Variants in BACE2 observed in about 807,000 individuals in gnomAD.
BACE2 encodes beta-secretase 2, also known as 56 kDa aspartic-like protease.
A neutral mutation model predicts 46.2 loss-of-function variants in BACE2; 17 were observed. That is an observed-to-expected ratio of 0.37 (90% CI 0.25 to 0.55). BACE2 has a LOEUF of 0.55. Among genes scored for constraint, BACE2 ranks in the 20% least tolerant of loss-of-function variants. The pLI is 0.82. For synonymous variants in BACE2, 277 were observed against 295.9 expected, an observed-to-expected ratio of 0.94 and a Z score of 0.66; for missense variants, 595 against 698.1, an observed-to-expected ratio of 0.85 and a Z score of 1.66.
chr21:41,254,734 T>G lies in BACE2; in HGVS notation c.1135-2424T>G, dbSNP rs539845727. ...CAGGGATATCAATGGCCGACTCATC[T>G]TCATTTAACACTGCACAGCACCTGT... On this transcript the variant is annotated intron_variant, in intron 7 of 8. Coordinates refer to ENST00000330333, the MANE Select transcript of BACE2 (RefSeq NM_012105.5). Among the ~76,000 whole-genome samples, 69 of 152,380 alleles carry G rather than the reference T, an allele frequency of 4.5e-4. 1 individual carries two copies. The South Asian group carries it at 7.5e-3, about 16-fold the overall frequency.
intron 1 of BACE2, among the ~76,000 whole-genome samples, chr21:41,214,574 T>C (rs1986398642): frequency 6.6e-6 from 1 of 152,260 alleles, no homozygotes. Flanking sequence ...TCAGATTTTC[T>C]GTATAATTGG....
rs888543058 is a variant in BACE2 at position 41,280,065 on chromosome 21, A to C, written c.*4441A>C. 1 of 152,268 alleles carries C rather than the reference A, an allele frequency of 6.6e-6. No homozygotes were observed. The highest frequency in any genetic ancestry group is 1.5e-5 in the Non-Finnish European group (1 of 68,084). 9.4% of individuals were successfully genotyped at this position (152,268 alleles called of 1,614,324 possible). A position where few individuals can be genotyped will look rare whatever the true frequency, so the allele number is the denominator to read the frequency against. ...AGGATTGATTATTTGCCAGAGGAAC[A>C]ATTAGGCCAAGAGAAACTTGCTTGA... On this transcript the variant is annotated 3_prime_UTR_variant, in exon 9 of 9. Transcript: ENST00000330333.
intron 1 of BACE2, among the ~76,000 whole-genome samples, chr21:41,185,705 A>C (rs1313789948): frequency 1.3e-5 from 2 of 152,214 alleles, no homozygotes; most frequent in African/African-American, 4.8e-5. Flanking sequence ...TGAGAACCCA[A>C]AATGCCTGCG....
chr21:41,194,080 T>C (rs1216244194), intron 1 of BACE2, among the ~76,000 whole-genome samples: 1 of 152,192 alleles, frequency 6.6e-6, no homozygotes, highest in African/African-American at 2.4e-5. Context: ...AGTCTGGAAA[T>C]TGATTGAAGA....
intron 1 of BACE2, chr21:41,225,569 T>G (rs1179690199): frequency 6.6e-6 from 1 of 152,094 alleles, no homozygotes; most frequent in African/African-American, 2.4e-5. Flanking sequence ...ATGAAACCAG[T>G]CCGTGGTCAC....
At chr21:41,194,463 G>A (rs946499207) in intron 1 of BACE2, among the ~76,000 whole-genome samples, 3 of 152,222 alleles carry the variant, frequency 2.0e-5, no homozygotes, top group Admixed American at 6.5e-5. Context: ...AAAGGACACA[G>A]TTGTAGGCAG....
intron 1 of BACE2, among the ~76,000 whole-genome samples, chr21:41,185,755 A>G (rs544686260): frequency 1.3e-4 from 20 of 152,320 alleles, no homozygotes; most frequent in African/African-American, 4.8e-4. Context: ...GCAGCTGTGC[A>G]CAGCAGTGCC....
chr21:41,169,742 ATTAGT>A (rs1412834213), intron 1 of BACE2, among the ~76,000 whole-genome samples: 1 of 152,148 alleles, frequency 6.6e-6, no homozygotes, highest in Admixed American at 6.5e-5. Flanking sequence ...TAGTTGTTTA[ATTAGT>A]TTAGGGGGAA....
intron 1 of BACE2, among the ~76,000 whole-genome samples, chr21:41,173,337 C>G (rs114687370): frequency 2.0e-5 from 3 of 152,294 alleles, no homozygotes; most frequent in East Asian, 3.9e-4. Context: ...ATGAAGCCTG[C>G]GGCAAGAGAG....
At chr21:41,175,958 TGC>T (rs1200651092) in intron 1 of BACE2, 1 of 152,114 alleles carries the variant, frequency 6.6e-6, no homozygotes, top group African/African-American at 2.4e-5. Context: ...TTGTGTGGCT[TGC>T]GCAGTGATTG....
In BACE2 at chr21:41,277,376, T is replaced by C. The variant is rs1308436995; in HGVS notation, c.*1752T>C. On this transcript the variant is annotated 3_prime_UTR_variant, in exon 9 of 9. Coordinates refer to ENST00000330333, the MANE Select transcript of BACE2 (RefSeq NM_012105.5). The stretch of plus-strand genomic sequence containing the variant: ...GAGTTGCAGCCTCTTGGAAAGAACA[T>C]GACGGCACGGAACGGGAGGAGGGGG... The C allele has an allele frequency of 2.6e-5, 4 of 152,232 alleles. No homozygotes were observed. The highest frequency in any genetic ancestry group is 6.5e-5 in the Admixed American group (1 of 15,284). 9.4% of individuals were successfully genotyped at this position (152,232 alleles called of 1,614,324 possible). A position where few individuals can be genotyped will look rare whatever the true frequency, so the allele number is the denominator to read the frequency against.
chr21:41,273,356 C>T (rs904222060), intron 8 of BACE2, among the ~76,000 whole-genome samples: 10 of 152,200 alleles, frequency 6.6e-5, no homozygotes, highest in Admixed American at 2.0e-4. Context: ...TATGGGAGAC[C>T]GGGGCTTATT....
intron 8 of BACE2, among the ~76,000 whole-genome samples, chr21:41,257,774 C>T (rs1311704399): frequency 2.0e-5 from 3 of 152,168 alleles, no homozygotes; most frequent in East Asian, 3.8e-4. Flanking sequence ...GACCAAGGAG[C>T]CCCTGTTTCT....
At chr21:41,214,206 A>G (rs1986385731) in intron 1 of BACE2, among the ~76,000 whole-genome samples, 1 of 152,200 alleles carries the variant, frequency 6.6e-6, no homozygotes, top group South Asian at 2.1e-4. Context: ...GCACTGGTAC[A>G]TGAATGGTGG....
intron 1 of BACE2, among the ~76,000 whole-genome samples, chr21:41,220,309 A>G (rs549415237): frequency 5.9e-5 from 9 of 152,262 alleles, no homozygotes; most frequent in Non-Finnish European, 1.0e-4. Flanking sequence ...TTATGTAGAC[A>G]TGATTGATTA....
At chr21:41,206,439 A>G (rs1986126754) in intron 1 of BACE2, among the ~76,000 whole-genome samples, 3 of 152,248 alleles carry the variant, frequency 2.0e-5, no homozygotes, top group African/African-American at 7.2e-5. Flanking sequence ...ACAGCATATA[A>G]TGGAATATTA....
intron 1 of BACE2, among the ~76,000 whole-genome samples, chr21:41,223,078 G>T (rs1233009608): frequency 6.6e-6 from 1 of 152,190 alleles, no homozygotes; most frequent in Non-Finnish European, 1.5e-5. Context: ...AATGGGCCAG[G>T]TGCAGTGGCT....
At chr21:41,261,601 C>G (rs1312886036) in intron 8 of BACE2, among the ~76,000 whole-genome samples, 1 of 151,988 alleles carries the variant, frequency 6.6e-6, no homozygotes, top group Non-Finnish European at 1.5e-5. Flanking sequence ...CAGTATTTCT[C>G]TCATGAACTA....
rs2088512467 is a variant in BACE2, at chr21:41,278,461, A to C, written c.*2837A>C. 3 of 152,348 alleles carry C rather than the reference A, an allele frequency of 2.0e-5. 1 individual carries two copies. The highest frequency in any genetic ancestry group is 4.1e-4 in the South Asian group (2 of 4,824). 9.4% of individuals were successfully genotyped at this position (152,348 alleles called of 1,614,324 possible). On this transcript the variant is annotated 3_prime_UTR_variant, in exon 9 of 9. Coordinates refer to ENST00000330333, the MANE Select transcript of BACE2 (RefSeq NM_012105.5). ...ACCAAGTACTTAGCACTCAAGAAACAGATGCCCTGTGTGTGACCGAGGGGA... is the reference window on the plus strand; with the variant it reads ...ACCAAGTACTTAGCACTCAAGAAACCGATGCCCTGTGTGTGACCGAGGGGA...
Sources: allele counts gnomAD v4.1 joint callset (sites outside exome capture counted in the v4.1 genomes callset), GRCh38; gene constraint gnomAD v4.1.1; transcripts MANE v1.5; gene names NCBI Gene and HGNC (gene_info 2026-07-23, HGNC 2026-07-21).